Variants in PCDHGA3 observed in about 807,000 individuals in gnomAD.
PCDHGA3 encodes the protein protocadherin gamma-A3.
A neutral mutation model predicts 58.5 loss-of-function variants in PCDHGA3; 40 were observed. That is an observed-to-expected ratio of 0.68 (90% CI 0.53 to 0.89). PCDHGA3 has a LOEUF of 0.89. PCDHGA3 is among the 40% of genes least tolerant of loss of function. The pLI is 0.00. For synonymous variants in PCDHGA3, 530 were observed against 525.7 expected (o/e 1.01, Z -0.11); for missense variants, 1,223 against 1,195.9 (o/e 1.02, Z -0.33).
chr5:141,380,542 T>A lies in PCDHGA3; in HGVS notation c.2424+34085T>A, dbSNP rs182715146. 2.0e-5 allele frequency among the ~76,000 whole-genome samples: 3 copies of A among 152,362 alleles called. No individual in the cohort carries two copies. The East Asian group carries it at 5.8e-4, about 29-fold the overall frequency. On this transcript the variant is annotated intron_variant, in intron 1 of 3. Transcript: ENST00000253812. ...ATGAAATGATTTCAATTTGATACAA[T>A]GAGCTTATGTTAGATTTTATTAAAC...
At chr5:141,467,097 G>A (rs912875702) in intron 1 of PCDHGA3, among the ~76,000 whole-genome samples, 1 of 150,152 alleles carries the variant, frequency 6.7e-6, no homozygotes, top group Non-Finnish European at 1.5e-5. Context: ...CTGTCACACA[G>A]GCTGGAGTAC....
chr5:141,457,417 CTTTT>C (rs894846890), intron 1 of PCDHGA3, among the ~76,000 whole-genome samples: 4 of 152,180 alleles, frequency 2.6e-5, no homozygotes, highest in Admixed American at 2.6e-4. Context: ...TTACCCATCC[CTTTT>C]TCCCCCCCAC....
intron 1 of PCDHGA3, chr5:141,361,453 C>G (rs758759325): frequency 1.2e-6 from 2 of 1,614,046 alleles, no homozygotes; most frequent in Non-Finnish European, 1.7e-6. Flanking sequence ...AATTGTCACC[C>G]TGCACATCTC....
chr5:141,423,610 G>GT, intron 1 of PCDHGA3: 1 of 1,611,424 alleles, frequency 6.2e-7, no homozygotes, highest in African/African-American at 1.3e-5. Context: ...ACTCTTGATA[G>GT]CTGAAGACTC....
In PCDHGA3 at chr5:141,357,021, C is replaced by A. The variant is rs1285126199; in HGVS notation, c.2424+10564C>A. 1.9e-6 allele frequency: 3 copies of A among 1,614,146 alleles called. No homozygotes were observed. In the East Asian group the frequency reaches 6.7e-5, roughly 36 times the overall value. On this transcript the variant is annotated intron_variant, in intron 1 of 3. Transcript: ENST00000253812. ...GTCAGAATGCCTGGCTGTCCTACAG[C>A]CTACTCAAGTCCAGCGAGCCGGGAC...
chr5:141,389,657 G>A lies in PCDHGA3; in HGVS notation c.2424+43200G>A, dbSNP rs372714152. The stretch of plus-strand genomic sequence containing the variant: ...GCTACTTGGTGACCAAGGTAGTGGC[G>A]GTGGACGCAGACTCAGGACACAACG... On this transcript the variant is annotated intron_variant, in intron 1 of 3. Transcript: ENST00000253812. The A allele has an allele frequency of 6.2e-5, 100 of 1,612,554 alleles. 2 individuals are homozygous for A. In the African/African-American group the frequency reaches 1.0e-3, roughly 17 times the overall value.
chr5:141,490,984 T>TCTG lies in PCDHGA3; in HGVS notation c.2425-3820_2425-3818dup. On this transcript the variant is annotated intron_variant, in intron 1 of 3. Transcript: ENST00000253812. The surrounding 1 kb of genome is among the most constrained non-coding windows in gnomAD (Gnocchi z 5.4). ...CTCAGCCCCCCAGCGTCTCCCTCGCTCTGCTCCTCCTGGCTCCTTGGTCAC... is the reference window on the plus strand; with the variant it reads ...CTCAGCCCCCCAGCGTCTCCCTCGCTCTGCTGCTCCTCCTGGCTCCTTGGTCAC... The TCTG allele has an allele frequency of 1.2e-6, 2 of 1,614,110 alleles. No homozygotes were observed. Among genetic ancestry groups the TCTG allele is most frequent in the Non-Finnish European group, 1.7e-6 (2 of 1,180,028 alleles).
Position 141,432,479 on chromosome 5 carries a change from G to A in PCDHGA3, c.2425-62328G>A, listed in dbSNP as rs771261875. ...CGCCCTCCCCACGGACGGTTCCACT[G>A]GCGTGGAGCTGGCTCCCCGCTCCGC... On this transcript the variant is annotated intron_variant, in intron 1 of 3. Transcript: ENST00000253812. The surrounding 1 kb of genome is among the most constrained non-coding windows in gnomAD (Gnocchi z 6.0). The A allele has an allele frequency of 3.8e-5, 62 of 1,614,076 alleles. No individual in the cohort carries two copies. Among genetic ancestry groups the A allele is most frequent in the Non-Finnish European group, 4.9e-5 (58 of 1,180,052 alleles).
rs763840734 is a variant in PCDHGA3, at chr5:141,428,113, T to C, written c.2425-66694T>C. The stretch of plus-strand genomic sequence containing the variant: ...CTGTCCTACCACGTGCTGCAGGCCA[T>C]CGAGCCCGGGCTTTTCAGCCTGGGG... On this transcript the variant is annotated intron_variant, in intron 1 of 3. Transcript: ENST00000253812. 1.0e-5 allele frequency: 16 copies of C among 1,607,374 alleles called. No homozygotes were observed. In the African/African-American group the frequency reaches 1.9e-4, roughly 19 times the overall value.
At chr5:141,375,418 C>G in intron 1 of PCDHGA3, 1 of 1,613,972 alleles carries the variant, frequency 6.2e-7, no homozygotes, top group Non-Finnish European at 8.5e-7. Context: ...TGGCAGACAC[C>G]AACGACAACC....
At chr5:141,389,577 C>A in intron 1 of PCDHGA3, 1 of 1,613,244 alleles carries the variant, frequency 6.2e-7, no homozygotes. Context: ...GTACCCCGCG[C>A]TGGGTCCCGA....
At chr5:141,419,548 G>C in intron 1 of PCDHGA3, 1 of 1,611,976 alleles carries the variant, frequency 6.2e-7, no homozygotes, top group Non-Finnish European at 8.5e-7. Context: ...CGCGGGTGCT[G>C]TACCCTGCGC....
intron 1 of PCDHGA3, chr5:141,394,811 C>G (rs1225635250): frequency 7.4e-6 from 12 of 1,613,770 alleles, no homozygotes; most frequent in Non-Finnish European, 1.0e-5. Flanking sequence ...CCGTGGCTGA[C>G]AGCATCCCCG....
At position 141,361,962 on chromosome 5, in the gene PCDHGA3, G is replaced by A. The variant is rs773228526; in HGVS notation, c.2424+15505G>A. 5.6e-6 allele frequency: 9 copies of A among 1,602,186 alleles called. No individual in the cohort carries two copies. In the South Asian group the frequency reaches 8.8e-5, roughly 16 times the overall value. On this transcript the variant is annotated intron_variant, in intron 1 of 3. Transcript: ENST00000253812. ...ACGCTTGGCTGTCCTACCACGTGCTGCAGGCCAGCGAGCCCGGGCTCTTCA... is the reference window on the plus strand; with the variant it reads ...ACGCTTGGCTGTCCTACCACGTGCTACAGGCCAGCGAGCCCGGGCTCTTCA...
At chr5:141,408,969 C>G (rs1005367761) in intron 1 of PCDHGA3, 1 of 1,613,594 alleles carries the variant, frequency 6.2e-7, no homozygotes, top group African/African-American at 1.3e-5. Flanking sequence ...GAAAATCTGC[C>G]CCCTGGGTCC....
Position 141,465,218 on chromosome 5 carries a change from A to G in PCDHGA3, c.2425-29589A>G, listed in dbSNP as rs151158068. ...ATAAAAATATAAGCTTTATTTTTCA[A>G]CATGAGCTCCATCAAGTTCAAGGCA... On this transcript the variant is annotated intron_variant, in intron 1 of 3. Coordinates refer to ENST00000253812, the MANE Select transcript of PCDHGA3 (RefSeq NM_018916.4). Among the ~76,000 whole-genome samples, 591 of 152,288 alleles carry G rather than the reference A, an allele frequency of 3.9e-3. 6 individuals carry two copies. The highest frequency in any genetic ancestry group is 0.011 in the Admixed American group (171 of 15,290).
intron 1 of PCDHGA3, among the ~76,000 whole-genome samples, chr5:141,451,644 G>A (rs1730833205): frequency 6.6e-6 from 1 of 152,178 alleles, no homozygotes; most frequent in Non-Finnish European, 1.5e-5. Context: ...CACTCTGAGA[G>A]GCCAAGGAGG....
Position 141,490,866 on chromosome 5 carries a change from C to T in PCDHGA3, c.2425-3941C>T, listed in dbSNP as rs1408465290. The T allele has an allele frequency of 6.2e-7, 1 of 1,613,906 alleles. No homozygotes were observed. The highest frequency in any genetic ancestry group is 1.7e-5 in the Admixed American group (1 of 60,012). ...TGGGGGTTCGAGACTCCGGCTCTCC[C>T]CCATTGCATGCCAACACATCTCTGC... On this transcript the variant is annotated intron_variant, in intron 1 of 3. Coordinates refer to ENST00000253812, the MANE Select transcript of PCDHGA3 (RefSeq NM_018916.4). The surrounding 1 kb of genome is among the most constrained non-coding windows in gnomAD (Gnocchi z 5.4).
At chr5:141,414,457 G>C in intron 1 of PCDHGA3, 2 of 1,613,872 alleles carry the variant, frequency 1.2e-6, no homozygotes, top group Non-Finnish European at 1.7e-6. Flanking sequence ...CACAGTGACA[G>C]CCACAGATGG....
Sources: allele counts gnomAD v4.1 joint callset (sites outside exome capture counted in the v4.1 genomes callset), GRCh38; gene constraint gnomAD v4.1.1; non-coding constraint Gnocchi (gnomAD v3.1); transcripts MANE v1.5; gene names NCBI Gene and HGNC (gene_info 2026-07-23, HGNC 2026-07-21).